Variants in TENT5B observed in about 807,000 individuals in gnomAD.
TENT5B encodes terminal nucleotidyltransferase 5B, also known as family with sequence similarity 46 member B.
A neutral mutation model predicts 21.7 loss-of-function variants in TENT5B; 12 were observed. The observed-to-expected ratio is 0.55, with a 90% confidence interval of 0.36 to 0.90. The LOEUF (loss-of-function observed/expected upper bound fraction) is 0.90, where lower values mean the gene tolerates loss of function less well. Ranked by LOEUF, TENT5B falls within the 40% of genes least tolerant of loss-of-function variation. The pLI is 0.01. For missense variants in TENT5B, 540 were observed against 601.5 expected (o/e 0.90, Z 1.07); for synonymous variants, 262 against 266.6 (o/e 0.98, Z 0.17).
Position 27,012,618 on chromosome 1 carries a change from A to G in TENT5B, c.53T>C (p.Val18Ala). 6.6e-7 allele frequency: 1 copy of G among 1,519,880 alleles called. No individual in the cohort carries two copies. Among genetic ancestry groups the G allele is most frequent in the Non-Finnish European group, 8.8e-7 (1 of 1,141,654 alleles). The allele number at this position is 1,519,880 out of a possible 1,614,324, so 94.1% of individuals were successfully genotyped here. Reference sequence around the variant, plus strand: ...CACCGCCGTGGCCGCAGCCGTCCCCACCTGAGCAGCCGCCCGGTCCCTGCG... The same window carrying G: ...CACCGCCGTGGCCGCAGCCGTCCCCGCCTGAGCAGCCGCCCGGTCCCTGCG... ...AERRDRAAAQ[V>A]GTAAATAVAT... The change falls in exon 1 of 2, where the codon GTG (valine) becomes GCG (alanine). Residue 18 changes from valine to alanine, a missense_variant. Transcript: ENST00000289166.
intron 1 of TENT5B, among the ~76,000 whole-genome samples, chr1:27,008,068 G>T (rs900342201): frequency 2.6e-5 from 4 of 152,192 alleles, no homozygotes; most frequent in African/African-American, 9.7e-5. Flanking sequence ...TGGTGAAACA[G>T]CTAAGGCTCA....
At position 27,012,663 on chromosome 1, in the gene TENT5B, G is replaced by C. The variant is rs1010749455; in HGVS notation, c.8C>G (p.Pro3Arg). 6.1e-6 allele frequency: 9 copies of C among 1,464,988 alleles called. No individual in the cohort carries two copies. The highest frequency in any genetic ancestry group is 8.0e-6 in the Non-Finnish European group (9 of 1,122,138). 90.7% of individuals were successfully genotyped at this position (1,464,988 alleles called of 1,614,324 possible). A position where few individuals can be genotyped will look rare whatever the true frequency, so the allele number is the denominator to read the frequency against. ...CCTGCGCTCAGCTCCGCTCTCCGACGGCATCATCCGCCCGGCCCCCGGGCC... is the reference window on the plus strand; with the variant it reads ...CCTGCGCTCAGCTCCGCTCTCCGACCGCATCATCCGCCCGGCCCCCGGGCC... MM[P>R]SESGAERRDR... The change falls in exon 1 of 2, where the codon CCG (proline) becomes CGG (arginine). Residue 3 changes from proline (P) to arginine (R), a missense_variant. By Grantham distance (103) the Pro-to-Arg change is moderately radical. Coordinates refer to ENST00000289166, the MANE Select transcript of TENT5B (RefSeq NM_052943.4).
At chr1:27,007,116 GTGGGGGGGT>G (rs1220966802) in intron 1 of TENT5B, among the ~76,000 whole-genome samples, 159 bp from the exon 2 acceptor site, 1 of 132,988 alleles carries the variant, frequency 7.5e-6, no homozygotes, top group Non-Finnish European at 1.6e-5. Flanking sequence ...TTGGGTGGGG[GTGGGGGGGT>G]TGGGGGGGAG....
At chr1:27,007,094 CT>C (rs1226485396) in intron 1 of TENT5B, 137 bp from the exon 2 acceptor site, 130 of 137,728 alleles carry the variant, frequency 9.4e-4, no homozygotes, top group East Asian at 2.4e-3. Flanking sequence ...AATCATTTAA[CT>C]TTTTTTTTTA....
chr1:27,006,064 G>A lies in TENT5B; in HGVS notation c.1158C>T (p.Ala386=), dbSNP rs753604624. The part of the protein sequence containing the change: ...ALAEQGPAAT[A]ALAWRPPGTD... ...TGCCTGGAGGGCGCCAGGCCAGGGC[G>A]GCAGTGGCAGCTGGGCCCTGCTCAG... The change falls in exon 2 of 2, where the codon GCC becomes GCT. Residue 386 remains alanine, a synonymous_variant. Coordinates refer to ENST00000289166, the MANE Select transcript of TENT5B (RefSeq NM_052943.4). The surrounding 1 kb of genome is among the most constrained non-coding windows in gnomAD (Gnocchi z 9.4). The A allele has an allele frequency of 1.1e-5, 17 of 1,611,310 alleles. No individual in the cohort carries two copies. The Admixed American group carries it at 1.3e-4, about 13-fold the overall frequency.
At position 27,012,494 on chromosome 1, in the gene TENT5B, T is replaced by C. The variant is rs377504560; in HGVS notation, c.177A>G (p.Arg59=). 2.1e-5 allele frequency: 34 copies of C among 1,609,428 alleles called. No individual in the cohort carries two copies. The highest frequency in any genetic ancestry group is 2.9e-5 in the Non-Finnish European group (34 of 1,179,578). ...LSGLSWPQVK[R]LDALLSEPIP... ...TCGGCTCGCTCAGAAGAGCGTCCAGTCGCTTCACCTGTGGCCAGCTCAGCC... is the reference window on the plus strand; with the variant it reads ...TCGGCTCGCTCAGAAGAGCGTCCAGCCGCTTCACCTGTGGCCAGCTCAGCC... The change falls in exon 1 of 2, where the codon CGA becomes CGG. Residue 59 remains arginine (R), a synonymous_variant. Coordinates refer to ENST00000289166, the MANE Select transcript of TENT5B (RefSeq NM_052943.4).
In TENT5B at chr1:27,012,576, G is replaced by A. The variant is rs1184031561; in HGVS notation, c.95C>T (p.Ala32Val). 2 of 1,541,030 alleles carry A rather than the reference G, an allele frequency of 1.3e-6. No homozygotes were observed. The highest frequency in any genetic ancestry group is 1.7e-6 in the Non-Finnish European group (2 of 1,149,522). ...AATAVATAAP[A>V]GGGPDPEALS... is the part of the protein sequence containing the mutation. ...GGCCTCCGGGTCGGGGCCGCCGCCT[G>A]CCGGGGCTGCCGTGGCCACCGCCGT... Residue 32 changes from alanine to valine, a missense_variant, in exon 1 of 2, where the codon GCA becomes GTA. Physicochemically the swap from Ala to Val is moderately conservative, Grantham distance 64 (BLOSUM62 0). Transcript: ENST00000289166.
chr1:27,006,781 C>T lies in TENT5B; in HGVS notation c.441G>A (p.Val147=), dbSNP rs952248979. The T allele has an allele frequency of 1.2e-6, 2 of 1,614,060 alleles. No individual in the cohort carries two copies. Among genetic ancestry groups the T allele is most frequent in the Non-Finnish European group, 8.5e-7 (1 of 1,180,034 alleles). ...GCAGGAAGTCTAGTAGGCAGGCCAG[C>T]ACCACTGCCTTGGTCAGCTGGAAGG... ...EASFQLTKAV[V]LACLLDFLPA... The change falls in exon 2 of 2, where the codon GTG becomes GTA. Residue 147 remains valine (V), a synonymous_variant. Transcript: ENST00000289166. The surrounding 1 kb of genome is among the most constrained non-coding windows in gnomAD (Gnocchi z 9.4).
chr1:27,011,085 T>C (rs1483257668), intron 1 of TENT5B, among the ~76,000 whole-genome samples: 1 of 152,166 alleles, frequency 6.6e-6, no homozygotes, highest in African/African-American at 2.4e-5. Flanking sequence ...AGGAATGACT[T>C]GACTGTCCCG....
Position 27,012,616 on chromosome 1 carries a change from C to T in TENT5B, c.55G>A (p.Gly19Arg). The change falls in exon 1 of 2, where the codon GGG becomes AGG. Residue 19 changes from glycine (G) to arginine (R), a missense_variant. By Grantham distance (125) the Gly-to-Arg change is moderately radical. Coordinates refer to ENST00000289166, the MANE Select transcript of TENT5B (RefSeq NM_052943.4). The part of the protein sequence containing the change: ...ERRDRAAAQV[G>R]TAAATAVATA... Reference sequence around the variant, plus strand: ...GCCACCGCCGTGGCCGCAGCCGTCCCCACCTGAGCAGCCGCCCGGTCCCTG... The same window carrying T: ...GCCACCGCCGTGGCCGCAGCCGTCCTCACCTGAGCAGCCGCCCGGTCCCTG... 6.6e-7 allele frequency: 1 copy of T among 1,520,450 alleles called. No individual in the cohort carries two copies. The highest frequency in any genetic ancestry group is 8.8e-7 in the Non-Finnish European group (1 of 1,141,794). The allele number at this position is 1,520,450 out of a possible 1,614,324, so 94.2% of individuals were successfully genotyped here.
chr1:27,006,196 G>A lies in TENT5B; in HGVS notation c.1026C>T (p.Cys342=), dbSNP rs2124203196. 6.2e-7 allele frequency: 1 copy of A among 1,612,408 alleles called. No individual in the cohort carries two copies. The highest frequency in any genetic ancestry group is 1.1e-5 in the South Asian group (1 of 90,940). ...GGADAARRYA[C]LVTLHRVVNE... Reference sequence around the variant, plus strand: ...TGACCACCCGGTGCAGTGTCACCAGGCAGGCGTAACGGCGGGCTGCATCTG... The same window carrying A: ...TGACCACCCGGTGCAGTGTCACCAGACAGGCGTAACGGCGGGCTGCATCTG... The change falls in exon 2 of 2, where the codon TGC becomes TGT. Residue 342 remains cysteine, a synonymous_variant. Coordinates refer to ENST00000289166, the MANE Select transcript of TENT5B (RefSeq NM_052943.4). The surrounding 1 kb of genome is among the most constrained non-coding windows in gnomAD (Gnocchi z 9.4).
At position 27,006,593 on chromosome 1, in the gene TENT5B, C is replaced by T. The variant is rs758921194; in HGVS notation, c.629G>A (p.Arg210His). The change falls in exon 2 of 2, where the codon CGC (arginine) becomes CAC (histidine). Residue 210 changes from arginine to histidine, a missense_variant. Arg to His is a conservative substitution (Grantham distance 29). Coordinates refer to ENST00000289166, the MANE Select transcript of TENT5B (RefSeq NM_052943.4). This position sits in a 1 kb window ranked among gnomAD's most constrained non-coding sequence, Gnocchi z 9.4. ...GGAGTCTATGCTGAATTCAAACTGG[C>T]GTCTCACCGAGTCCACAAACTTGAG... ...VELKFVDSVR[R>H]QFEFSIDSFQ... 13 of 1,614,128 alleles carry T rather than the reference C, an allele frequency of 8.1e-6. No homozygotes were observed. Among genetic ancestry groups the T allele is most frequent in the Middle Eastern group, 1.6e-4 (1 of 6,062 alleles).
rs1251912517 is a variant in TENT5B, at chr1:27,006,347, G to A, written c.875C>T (p.Pro292Leu). Reference protein sequence around the residue: ...YCHLLVRGFRPRPSTDVRALQ... With the variant: ...YCHLLVRGFRLRPSTDVRALQ... ...GGCGCGCACATCGGTGCTGGGCCGGGGCCGGAAGCCCCGCACCAGGAGGTG... is the reference window on the plus strand; with the variant it reads ...GGCGCGCACATCGGTGCTGGGCCGGAGCCGGAAGCCCCGCACCAGGAGGTG... The change falls in exon 2 of 2, where the codon CCC becomes CTC. Residue 292 changes from proline (P) to leucine (L), a missense_variant. Transcript: ENST00000289166. The surrounding 1 kb of genome is among the most constrained non-coding windows in gnomAD (Gnocchi z 9.4). The A allele has an allele frequency of 1.2e-6, 2 of 1,611,102 alleles. No individual in the cohort carries two copies. The highest frequency in any genetic ancestry group is 2.2e-5 in the East Asian group (1 of 44,830).
chr1:27,009,660 G>C (rs1352311898), intron 1 of TENT5B, among the ~76,000 whole-genome samples: 3 of 152,242 alleles, frequency 2.0e-5, no homozygotes, highest in Non-Finnish European at 4.4e-5. Flanking sequence ...CTGCAGAGAA[G>C]ACCAGCCCCT....
Position 27,006,802 on chromosome 1 carries a change from G to A in TENT5B, c.420C>T (p.Phe140=), listed in dbSNP as rs774048554. The A allele has an allele frequency of 6.2e-7, 1 of 1,614,060 alleles. No individual in the cohort carries two copies. Among genetic ancestry groups the A allele is most frequent in the Non-Finnish European group, 8.5e-7 (1 of 1,180,048 alleles). ...CCAGCACCACTGCCTTGGTCAGCTGGAAGGATGCCTCACTGCGCAGGTCCA... is the reference window on the plus strand; with the variant it reads ...CCAGCACCACTGCCTTGGTCAGCTGAAAGGATGCCTCACTGCGCAGGTCCA... ...FRVDLRSEAS[F]QLTKAVVLAC... Residue 140 remains phenylalanine, a synonymous_variant, in exon 2 of 2, where the codon TTC becomes TTT. Coordinates refer to ENST00000289166, the MANE Select transcript of TENT5B (RefSeq NM_052943.4). The surrounding 1 kb of genome is among the most constrained non-coding windows in gnomAD (Gnocchi z 9.4).
At chr1:27,011,072 C>T (rs553803837) in intron 1 of TENT5B, among the ~76,000 whole-genome samples, 1 of 152,234 alleles carries the variant, frequency 6.6e-6, no homozygotes, top group East Asian at 1.9e-4. Context: ...CAGCTGGGGC[C>T]CCAGGAATGA....
chr1:27,011,618 A>C (rs1026657550), intron 1 of TENT5B, among the ~76,000 whole-genome samples: 1 of 152,192 alleles, frequency 6.6e-6, no homozygotes, highest in Non-Finnish European at 1.5e-5. Context: ...TGTACAGATG[A>C]AAAAGCAGTC....
Position 27,006,998 on chromosome 1 carries a change from C to A in TENT5B, c.265-41G>T. The A allele has an allele frequency of 1.6e-5, 24 of 1,523,748 alleles. No homozygotes were observed. Among genetic ancestry groups the A allele is most frequent in the Non-Finnish European group, 2.1e-5 (24 of 1,135,184 alleles). The allele number at this position is 1,523,748 out of a possible 1,614,324, so 94.4% of individuals were successfully genotyped here. A position where few individuals can be genotyped will look rare whatever the true frequency, so the allele number is the denominator to read the frequency against. On this transcript the variant is annotated intron_variant, in intron 1 of 1. Coordinates refer to ENST00000289166, the MANE Select transcript of TENT5B (RefSeq NM_052943.4). This position sits in a 1 kb window ranked among gnomAD's most constrained non-coding sequence, Gnocchi z 9.4. Reference sequence around the variant, plus strand: ...GGAAGGAGAGGTGTCAGGAGCGGGCCTCAGGGGTCCACCAAGGACTTCCGT... The same window carrying A: ...GGAAGGAGAGGTGTCAGGAGCGGGCATCAGGGGTCCACCAAGGACTTCCGT...
At chr1:27,010,272 C>G (rs921246040) in intron 1 of TENT5B, among the ~76,000 whole-genome samples, 3 of 152,126 alleles carry the variant, frequency 2.0e-5, no homozygotes, top group Non-Finnish European at 4.4e-5. Flanking sequence ...CAGGTACAAG[C>G]AAGAACAGAA....
Sources: allele counts gnomAD v4.1 joint callset (sites outside exome capture counted in the v4.1 genomes callset), GRCh38; gene constraint gnomAD v4.1.1; non-coding constraint Gnocchi (gnomAD v3.1); transcripts MANE v1.5; gene names NCBI Gene and HGNC (gene_info 2026-07-23, HGNC 2026-07-21).